The following TRIM24 variants were observed in gnomAD, a reference collection of about 807,000 sequenced individuals.
The protein encoded by TRIM24 is transcription intermediary factor 1-alpha.
A neutral mutation model predicts 123.9 loss-of-function variants in TRIM24; 29 were observed. The ratio of observed to expected loss-of-function variants is 0.23; its 90% CI spans 0.17 to 0.32. The LOEUF is 0.32. Among genes scored for constraint, TRIM24 ranks in the 10% least tolerant of loss-of-function variants. The pLI, the probability that TRIM24 is intolerant of heterozygous loss-of-function variation, is 1.00. For missense variants in TRIM24, 932 were observed against 1,295.3 expected (o/e 0.72, Z 4.31); for synonymous variants, 456 against 461.1 (o/e 0.99, Z 0.14).
At chr7:138,541,913 C>T (rs1008907769) in intron 7 of TRIM24, among the ~76,000 whole-genome samples, 1 of 152,158 alleles carries the variant, frequency 6.6e-6, no homozygotes, top group African/African-American at 2.4e-5. Context: ...GGTTTCTTTC[C>T]ATAAATCTCA....
intron 5 of TRIM24, among the ~76,000 whole-genome samples, chr7:138,525,631 T>C (rs768024413): frequency 1.3e-5 from 2 of 152,222 alleles, no homozygotes; most frequent in Non-Finnish European, 2.9e-5. Flanking sequence ...TTTAAAGAAA[T>C]ACCAAAATTT....
At chr7:138,480,855 C>T (rs1474761842) in intron 1 of TRIM24, among the ~76,000 whole-genome samples, 1 of 152,082 alleles carries the variant, frequency 6.6e-6, no homozygotes, top group Non-Finnish European at 1.5e-5. Flanking sequence ...GAAGCTTTTC[C>T]TAAGTACCAG....
At chr7:138,497,072 G>C (rs1284196793) in intron 1 of TRIM24, among the ~76,000 whole-genome samples, 1 of 152,076 alleles carries the variant, frequency 6.6e-6, no homozygotes, top group Non-Finnish European at 1.5e-5. Flanking sequence ...TTTAGTATCA[G>C]GGTAATACTG....
intron 7 of TRIM24, among the ~76,000 whole-genome samples, chr7:138,549,107 G>T (rs1360071993): frequency 6.6e-6 from 1 of 152,168 alleles, no homozygotes; most frequent in African/African-American, 2.4e-5. Flanking sequence ...AGCACTGTAG[G>T]TTTGTTTACA....
chr7:138,557,418 G>T (rs538403021), intron 9 of TRIM24, among the ~76,000 whole-genome samples: 39 of 152,278 alleles, frequency 2.6e-4, no homozygotes, highest in African/African-American at 9.1e-4. Context: ...TAGCTGAGTG[G>T]TAGTTTGCCT....
chr7:138,526,845 A>G (rs28480333), intron 5 of TRIM24, among the ~76,000 whole-genome samples: 1,985 of 152,302 alleles, frequency 0.013, 36 homozygotes, highest in African/African-American at 0.045. Flanking sequence ...ATTCTGAGTA[A>G]TTGAAAATTT....
intron 1 of TRIM24, 165 bp downstream of exon 1, chr7:138,461,077 C>G (rs867063956): frequency 1.2e-6 from 1 of 805,682 alleles, no homozygotes; most frequent in Non-Finnish European, 2.0e-6. Flanking sequence ...GGAGGGCCCG[C>G]GCTCTGCGGC....
At chr7:138,494,024 C>T (rs1795850644) in intron 1 of TRIM24, among the ~76,000 whole-genome samples, 1 of 151,990 alleles carries the variant, frequency 6.6e-6, no homozygotes. Flanking sequence ...TCTTATTGCC[C>T]AGGCTGGAGT....
chr7:138,520,263 A>G (rs1796479501), intron 4 of TRIM24, among the ~76,000 whole-genome samples: 1 of 152,216 alleles, frequency 6.6e-6, no homozygotes, highest in Admixed American at 6.5e-5. Context: ...GAAAGTCTGC[A>G]CTATTATAGT....
Position 138,525,824 on chromosome 7 carries a change from C to T in TRIM24, c.881+467C>T, listed in dbSNP as rs565739900. 2.6e-3 allele frequency among the ~76,000 whole-genome samples: 391 copies of T among 152,176 alleles called. 6 individuals are homozygous for T. The highest frequency in any genetic ancestry group is 2.7e-3 in the Non-Finnish European group (182 of 67,994). ...GGATACAGGGATTGTTAAACTGTTCCGCACACTTTTTACTTCTTGTCTGAT... is the reference window on the plus strand; with the variant it reads ...GGATACAGGGATTGTTAAACTGTTCTGCACACTTTTTACTTCTTGTCTGAT... On this transcript the variant is annotated intron_variant, in intron 5 of 18. Transcript: ENST00000343526.
chr7:138,532,090 A>T (rs905485148), intron 6 of TRIM24, among the ~76,000 whole-genome samples: 6 of 151,894 alleles, frequency 4.0e-5, no homozygotes, highest in African/African-American at 9.7e-5. Flanking sequence ...AATTTGTTTG[A>T]GTTCATTGTA....
chr7:138,571,820 C>T (rs1246181228), intron 11 of TRIM24, among the ~76,000 whole-genome samples: 2 of 152,176 alleles, frequency 1.3e-5, no homozygotes, highest in Non-Finnish European at 2.9e-5. Flanking sequence ...ATCCTCCTGC[C>T]TTGGCCTCCT....
intron 6 of TRIM24, among the ~76,000 whole-genome samples, chr7:138,529,998 T>A (rs1005213744): frequency 6.6e-6 from 1 of 152,188 alleles, no homozygotes; most frequent in Admixed American, 6.5e-5. Flanking sequence ...AGAAATAATT[T>A]AGGTCATCCT....
At chr7:138,500,379 G>C (rs948776190) in intron 1 of TRIM24, among the ~76,000 whole-genome samples, 14 of 152,036 alleles carry the variant, frequency 9.2e-5, no homozygotes, top group Middle Eastern at 3.4e-3. Context: ...GGACAACATA[G>C]TGAAACCCTG....
intron 3 of TRIM24, among the ~76,000 whole-genome samples, chr7:138,518,952 C>G (rs955796442): frequency 6.6e-5 from 10 of 152,146 alleles, no homozygotes; most frequent in African/African-American, 2.4e-4. Context: ...TTCATTTACT[C>G]CTGAACTAAT....
In TRIM24 at chr7:138,583,928, A is replaced by G. The variant is rs778846219; in HGVS notation, c.2872A>G (p.Met958Val). Residue 958 changes from methionine to valine, a missense_variant, in exon 18 of 19, where the codon ATG (methionine) becomes GTG (valine). Met to Val is a conservative substitution (Grantham distance 21). Around this residue, in one of 7 missense-constraint regions of TRIM24, gnomAD observed 104 missense variants for 121.5 expected, o/e 0.86. Coordinates refer to ENST00000343526, the MANE Select transcript of TRIM24 (RefSeq NM_015905.3). ...GAAAAGACTACAAGAAGATTATTCC[A>G]TGTACTCAAAACCTGAAGATTTTGT... ...IKKRLQEDYS[M>V]YSKPEDFVAD... The G allele has an allele frequency of 4.4e-6, 7 of 1,605,180 alleles. No individual in the cohort carries two copies. Among genetic ancestry groups the G allele is most frequent in the African/African-American group, 1.3e-5 (1 of 74,414 alleles).
At chr7:138,484,010 A>G (rs969653298) in intron 1 of TRIM24, among the ~76,000 whole-genome samples, 3 of 152,186 alleles carry the variant, frequency 2.0e-5, no homozygotes, top group African/African-American at 7.2e-5. Flanking sequence ...AAGGCAGTAC[A>G]TAATATTGAA....
chr7:138,523,750 CA>C (rs756103684), intron 4 of TRIM24, among the ~76,000 whole-genome samples: 156 of 57,226 alleles, frequency 2.7e-3, no homozygotes, highest in Middle Eastern at 0.01. Flanking sequence ...GACTCCGTCT[CA>C]AAAAAAAAAA....
intron 1 of TRIM24, among the ~76,000 whole-genome samples, chr7:138,494,266 G>A (rs865944416): frequency 5.9e-5 from 9 of 152,040 alleles, no homozygotes; most frequent in Middle Eastern, 3.2e-3. Flanking sequence ...ACAGGGGGCC[G>A]TGAGCCACTG....
Sources: allele counts gnomAD v4.1 joint callset (sites outside exome capture counted in the v4.1 genomes callset), GRCh38; gene constraint gnomAD v4.1.1; regional missense constraint gnomAD v4.1.1; transcripts MANE v1.5; gene names NCBI Gene and HGNC (gene_info 2026-07-23, HGNC 2026-07-21).